Variants in ZNF484 observed in about 807,000 individuals in gnomAD.
ZNF484 encodes zinc finger protein 484.
A neutral mutation model predicts 12.9 loss-of-function variants in ZNF484; 11 were observed. The ratio of observed to expected loss-of-function variants is 0.85; its 90% confidence interval spans 0.54 to 1.41. The LOEUF is 1.41. Ranked by LOEUF, ZNF484 falls within the 40% of genes most tolerant of loss-of-function variation. ZNF484 has a pLI of 0.00. For synonymous variants in ZNF484, 289 were observed against 334.1 expected (o/e 0.86, Z 1.47); for missense variants, 807 against 1,007.7 (o/e 0.80, Z 2.70).
intron 1 of ZNF484, among the ~76,000 whole-genome samples, chr9:92,875,314 A>G (rs1313501243): frequency 6.6e-6 from 1 of 152,248 alleles, no homozygotes; most frequent in African/African-American, 2.4e-5. Context: ...ATACTTTATA[A>G]AATATCCAAA....
intron 2 of ZNF484, chr9:92,862,197 C>G (rs879920202): frequency 1.1e-6 from 1 of 921,322 alleles, no homozygotes; most frequent in Admixed American, 6.2e-5. Flanking sequence ...GAATTAACTG[C>G]CATACATTTA....
At position 92,848,388 on chromosome 9, in the gene ZNF484, G is replaced by C. The variant is rs143919816; in HGVS notation, c.399C>G (p.Asn133Lys). 16 of 1,613,948 alleles carry C rather than the reference G, an allele frequency of 9.9e-6. No individual in the cohort carries two copies. Among genetic ancestry groups the C allele is most frequent in the Non-Finnish European group, 1.4e-5 (16 of 1,180,012 alleles). ...TGAAGACAACACGACTTAAAGGTTTGTTCTGGTTTTCTCCACATTTTCTTG... is the reference window on the plus strand; with the variant it reads ...TGAAGACAACACGACTTAAAGGTTTCTTCTGGTTTTCTCCACATTTTCTTG... ...EHTRKCGENQ[N>K]KPLSRVVFIN... The change falls in exon 5 of 5, where the codon AAC (asparagine) becomes AAG (lysine). Residue 133 changes from asparagine to lysine, a missense_variant. Coordinates refer to ENST00000375495, the MANE Select transcript of ZNF484 (RefSeq NM_031486.4). This position sits in a 1 kb window ranked among gnomAD's most constrained non-coding sequence, Gnocchi z 4.1.
intron 2 of ZNF484, among the ~76,000 whole-genome samples, chr9:92,865,338 A>T (rs1006789743): frequency 6.6e-6 from 1 of 152,004 alleles, no homozygotes; most frequent in African/African-American, 2.4e-5. Context: ...AACTCAGTTT[A>T]AAAAAAAGGG....
intron 2 of ZNF484, 53 bp downstream of exon 2, chr9:92,874,962 C>T: frequency 6.4e-7 from 1 of 1,569,766 alleles, no homozygotes; most frequent in East Asian, 2.2e-5. Context: ...TCCTAAAATC[C>T]ACTAAAAGTA....
chr9:92,872,380 C>A (rs1291234404), intron 2 of ZNF484, among the ~76,000 whole-genome samples: 2 of 87,584 alleles, frequency 2.3e-5, no homozygotes, highest in Non-Finnish European at 2.1e-5. Context: ...ATGTGAGCAC[C>A]CACTAGAAGC....
intron 2 of ZNF484, among the ~76,000 whole-genome samples, chr9:92,870,947 A>G (rs1217954334): frequency 6.6e-6 from 1 of 152,172 alleles, no homozygotes; most frequent in Non-Finnish European, 1.5e-5. Flanking sequence ...AGGCCCCCCA[A>G]TTCCCACACT....
chr9:92,853,827 A>G (rs140130670), intron 4 of ZNF484, among the ~76,000 whole-genome samples: 9 of 152,296 alleles, frequency 5.9e-5, no homozygotes, highest in African/African-American at 2.2e-4. Context: ...GCAAGGAGAA[A>G]TGGACCCCAC....
In ZNF484 at chr9:92,847,396, C is replaced by A; in HGVS notation, c.1391G>T (p.Gly464Val). Reference protein sequence around the residue: ...QLHVHQRIHTGENPFICSECG... With the variant: ...QLHVHQRIHTVENPFICSECG... Reference sequence around the variant, plus strand: ...TTCTGAACATATAAAGGGATTCTCTCCTGTGTGAATTCGCTGATGCACATG... The same window carrying A: ...TTCTGAACATATAAAGGGATTCTCTACTGTGTGAATTCGCTGATGCACATG... Residue 464 changes from glycine (G) to valine (V), a missense_variant, in exon 5 of 5, where the codon GGA becomes GTA. Transcript: ENST00000375495. 1.9e-6 allele frequency: 3 copies of A among 1,613,908 alleles called. No individual in the cohort carries two copies. The highest frequency in any genetic ancestry group is 2.5e-6 in the Non-Finnish European group (3 of 1,179,986).
chr9:92,851,572 G>T (rs985077346), intron 4 of ZNF484, among the ~76,000 whole-genome samples: 7 of 152,290 alleles, frequency 4.6e-5, no homozygotes, highest in South Asian at 4.1e-4. Flanking sequence ...CTTGCCCTAG[G>T]GGATGGTGGT....
intron 2 of ZNF484, among the ~76,000 whole-genome samples, chr9:92,859,701 G>C (rs1856666668): frequency 6.6e-6 from 1 of 152,216 alleles, no homozygotes; most frequent in African/African-American, 2.4e-5. Flanking sequence ...CCAATTCCAA[G>C]TCAGGGGTCC....
At chr9:92,876,661 A>G (rs1327330391) in intron 1 of ZNF484, among the ~76,000 whole-genome samples, 1 of 152,196 alleles carries the variant, frequency 6.6e-6, no homozygotes, top group Admixed American at 6.5e-5. Context: ...AAGGGATCCT[A>G]TAATAATACC....
chr9:92,850,886 C>T (rs760612088), intron 4 of ZNF484, among the ~76,000 whole-genome samples: 7 of 152,134 alleles, frequency 4.6e-5, no homozygotes, highest in African/African-American at 1.2e-4. Context: ...TGTGAGCCAC[C>T]GTGTCTGGCC....
Position 92,844,412 on chromosome 9 carries a change from C to T in ZNF484, c.*1816G>A, listed in dbSNP as rs557415459. ...AAATGCACATGTGCACACACGTACA[C>T]GCACACGTGCACACACACACCCCAA... On this transcript the variant is annotated 3_prime_UTR_variant, in exon 5 of 5. Coordinates refer to ENST00000375495, the MANE Select transcript of ZNF484 (RefSeq NM_031486.4). 5.7e-4 allele frequency among the ~76,000 whole-genome samples: 86 copies of T among 152,194 alleles called. No individual in the cohort carries two copies. The highest frequency in any genetic ancestry group is 6.8e-3 in the Middle Eastern group (2 of 294).
At chr9:92,861,688 G>A (rs1303847622) in intron 2 of ZNF484, among the ~76,000 whole-genome samples, 3 of 152,134 alleles carry the variant, frequency 2.0e-5, no homozygotes, top group South Asian at 2.1e-4. Context: ...AAGGGACCCA[G>A]CGGGACAATA....
chr9:92,856,395 T>C, intron 2 of ZNF484, 77 bp from the exon 3 acceptor site: 1 of 1,229,736 alleles, frequency 8.1e-7, no homozygotes, highest in Non-Finnish European at 1.1e-6. Context: ...AACCTTTCAA[T>C]GTGAAGGATC....
chr9:92,862,794 AGG>A (rs1856850476), intron 2 of ZNF484, among the ~76,000 whole-genome samples: 1 of 152,160 alleles, frequency 6.6e-6, no homozygotes, highest in South Asian at 2.1e-4. Context: ...GTGGAGAAAT[AGG>A]AACGCTTTTA....
At chr9:92,850,822 C>T (rs925916004) in intron 4 of ZNF484, among the ~76,000 whole-genome samples, 17 of 152,142 alleles carry the variant, frequency 1.1e-4, no homozygotes, top group African/African-American at 4.1e-4. Context: ...GTCTCAAACT[C>T]CTGACCTCAA....
chr9:92,865,568 A>C (rs1857019975), intron 2 of ZNF484, among the ~76,000 whole-genome samples: 1 of 152,178 alleles, frequency 6.6e-6, no homozygotes, highest in Non-Finnish European at 1.5e-5. Flanking sequence ...TAGGAATACA[A>C]ATTGGCGTAA....
Position 92,878,012 on chromosome 9 carries a change from C to G in ZNF484, c.-153G>C, listed in dbSNP as rs1857947260. 1 of 710,808 alleles carries G rather than the reference C, an allele frequency of 1.4e-6. No homozygotes were observed. The highest frequency in any genetic ancestry group is 1.8e-5 in the African/African-American group (1 of 55,508). 44.0% of individuals were successfully genotyped at this position (710,808 alleles called of 1,614,324 possible). A position where few individuals can be genotyped will look rare whatever the true frequency, so the allele number is the denominator to read the frequency against. ...ATGCCTCCCAGGCCTAGAGGTACTT[C>G]TTACAGCGCTGCCTGGGTTTGCGCA... On this transcript the variant is annotated 5_prime_UTR_variant, in exon 1 of 5. Coordinates refer to ENST00000375495, the MANE Select transcript of ZNF484 (RefSeq NM_031486.4).
Sources: allele counts gnomAD v4.1 joint callset (sites outside exome capture counted in the v4.1 genomes callset), GRCh38; gene constraint gnomAD v4.1.1; non-coding constraint Gnocchi (gnomAD v3.1); transcripts MANE v1.5; gene names NCBI Gene and HGNC (gene_info 2026-07-23, HGNC 2026-07-21).